The following C2orf78 variants were observed in gnomAD, a reference collection of about 807,000 sequenced individuals.
C2orf78 encodes uncharacterized protein C2orf78.
C2orf78 carries 12 observed loss-of-function variants against 21.4 expected under a neutral mutation model. That is an observed-to-expected ratio of 0.56 (90% CI 0.36 to 0.91). The LOEUF is 0.91. C2orf78 is among the 40% of genes least tolerant of loss of function. The pLI is 0.01. For synonymous variants in C2orf78, 396 were observed against 413.9 expected, an observed-to-expected ratio of 0.96 and a Z score of 0.52; for missense variants, 1,042 against 1,092.4, an observed-to-expected ratio of 0.95 and a Z score of 0.65.
exon 3 of C2orf78, chr2:73,816,558 G>T: frequency 6.2e-7 from 1 of 1,613,724 alleles, no homozygotes; most frequent in Non-Finnish European, 8.5e-7. Context: ...ATCTTTGACA[G>T]GTCCTGCCAC....
chr2:73,815,201 C>A, exon 3 of C2orf78: 4 of 1,614,014 alleles, frequency 2.5e-6, no homozygotes, highest in Non-Finnish European at 3.4e-6. Flanking sequence ...TTGAGAGTAA[C>A]CCATCACCTG....
At position 73,809,829 on chromosome 2, in the gene C2orf78, T is replaced by C. The variant is rs1673038751; in HGVS notation, c.98-3648T>C. ...AAAAGTAATATTCATGTTTTGGACATTCCTATCTAAACTAGGTGGAAAGAG... is the reference window on the plus strand; with the variant it reads ...AAAAGTAATATTCATGTTTTGGACACTCCTATCTAAACTAGGTGGAAAGAG... On this transcript the variant is annotated intron_variant, in intron 1 of 2. Coordinates refer to ENST00000409561, the Ensembl canonical transcript of C2orf78. Among the ~76,000 whole-genome samples, 8 of 152,180 alleles carry C rather than the reference T, an allele frequency of 5.3e-5. 1 individual carries two copies. The South Asian group carries it at 1.7e-3, about 32-fold the overall frequency.
At chr2:73,784,698 G>A (rs1322011534) in intron 1 of C2orf78, among the ~76,000 whole-genome samples, 2 of 151,222 alleles carry the variant, frequency 1.3e-5, no homozygotes, top group African/African-American at 4.9e-5. Flanking sequence ...TATACGTATA[G>A]AAAATGAAAT....
At chr2:73,814,355 CA>C in intron 2 of C2orf78, 129 bp downstream of exon 2, 1 of 1,032,258 alleles carries the variant, frequency 9.7e-7, no homozygotes, top group Non-Finnish European at 1.4e-6. Context: ...TATTCTTTGG[CA>C]GTGCTCTCCA....
At chr2:73,812,200 G>T (rs573963023) in intron 1 of C2orf78, among the ~76,000 whole-genome samples, 1 of 152,284 alleles carries the variant, frequency 6.6e-6, no homozygotes, top group African/African-American at 2.4e-5. Context: ...CACTAAGAAA[G>T]AGTAGATACT....
intron 1 of C2orf78, among the ~76,000 whole-genome samples, chr2:73,785,287 C>CACAA (rs939411254): frequency 4.9e-4 from 63 of 129,100 alleles, no homozygotes; most frequent in Admixed American, 6.8e-4. Flanking sequence ...GAGACCCTGT[C>CACAA]ACAAACAAAC....
chr2:73,813,972 G>A (rs761245644), exon 2 of C2orf78: 1 of 1,614,020 alleles, frequency 6.2e-7, no homozygotes, highest in East Asian at 2.2e-5. Flanking sequence ...AATCAGCAGG[G>A]CCATAACCTG....
exon 3 of C2orf78, chr2:73,815,293 A>C (rs1215188715): frequency 1.9e-6 from 3 of 1,613,834 alleles, no homozygotes; most frequent in East Asian, 2.2e-5. Flanking sequence ...CAGGAAAAAA[A>C]TGAGAATGAG....
At chr2:73,785,788 T>A (rs1011332136) in intron 1 of C2orf78, among the ~76,000 whole-genome samples, 40 of 152,054 alleles carry the variant, frequency 2.6e-4, no homozygotes, top group Admixed American at 9.8e-4. Context: ...GGCTTACACC[T>A]GTAATCCCAG....
In C2orf78 at chr2:73,817,119, T is replaced by C. The variant is rs528249050; in HGVS notation, c.*127T>C. On this transcript the variant is annotated 3_prime_UTR_variant, in exon 3 of 3. Coordinates refer to ENST00000409561, the Ensembl canonical transcript of C2orf78. ...AAATGTAATAGAATTGATTAATAGATAAGTAATAAAGAGGCCTTTTGAGTT... is the reference window on the plus strand; with the variant it reads ...AAATGTAATAGAATTGATTAATAGACAAGTAATAAAGAGGCCTTTTGAGTT... The C allele has an allele frequency of 4.9e-5, 57 of 1,167,748 alleles. No homozygotes were observed. The African/African-American group carries it at 8.2e-4, about 17-fold the overall frequency. 72.3% of individuals were successfully genotyped at this position (1,167,748 alleles called of 1,614,324 possible).
chr2:73,815,802 T>C, exon 3 of C2orf78: 1 of 1,613,770 alleles, frequency 6.2e-7, no homozygotes, highest in Non-Finnish European at 8.5e-7. Flanking sequence ...AGAGTGCCTA[T>C]TAGAGAGAGA....
chr2:73,808,284 A>C (rs1376120374), intron 1 of C2orf78, among the ~76,000 whole-genome samples: 1 of 151,138 alleles, frequency 6.6e-6, no homozygotes, highest in Admixed American at 6.6e-5. Flanking sequence ...AAAAAGCAGC[A>C]GTAAATTCAT....
At chr2:73,812,366 CTTACT>C (rs1217804012) in intron 1 of C2orf78, among the ~76,000 whole-genome samples, 4 of 152,142 alleles carry the variant, frequency 2.6e-5, no homozygotes, top group African/African-American at 9.7e-5. Flanking sequence ...TTTTTCAGAA[CTTACT>C]ATATCTTCCT....
At chr2:73,817,121 AGTAATAAAGAG>A in exon 3 of C2orf78, 1 of 1,081,342 alleles carries the variant, frequency 9.2e-7, no homozygotes, top group Non-Finnish European at 1.2e-6. Flanking sequence ...TTAATAGATA[AGTAATAAAGAG>A]GCCTTTTGAG....
At chr2:73,816,787 G>A (rs200514281) in exon 3 of C2orf78, 97 of 1,613,924 alleles carry the variant, frequency 6.0e-5, no homozygotes, top group Admixed American at 2.0e-4. Flanking sequence ...CTCCAACCCC[G>A]TCCATGGAGG....
chr2:73,815,682 G>A (rs770892539), exon 3 of C2orf78: 1 of 1,613,910 alleles, frequency 6.2e-7, no homozygotes, highest in Non-Finnish European at 8.5e-7. Context: ...TCAGGTGCAG[G>A]AAAAGTCATG....
chr2:73,784,522 G>C (rs1262103608), intron 1 of C2orf78, 116 bp downstream of exon 1: 6 of 592,670 alleles, frequency 1.0e-5, no homozygotes, highest in East Asian at 3.2e-5. Context: ...TATTGAAGTA[G>C]AAATCCAGAG....
At chr2:73,810,008 A>C (rs1447288680) in intron 1 of C2orf78, among the ~76,000 whole-genome samples, 2 of 152,154 alleles carry the variant, frequency 1.3e-5, no homozygotes. Flanking sequence ...AATATATTTT[A>C]AATTTGAAAA....
At chr2:73,814,991 A>G (rs1464294887) in intron 2 of C2orf78, 80 bp from the exon 3 acceptor site, 17 of 1,382,084 alleles carry the variant, frequency 1.2e-5, no homozygotes, top group Non-Finnish European at 1.6e-5. Flanking sequence ...CATGTTGGAA[A>G]GGTATCCGAT....
Sources: gnomAD v4.1 joint callset for allele counts (sites outside exome capture counted in the v4.1 genomes callset) on GRCh38, gnomAD v4.1.1 for gene constraint, MANE v1.5 for transcripts, NCBI Gene and HGNC (gene_info 2026-07-23, HGNC 2026-07-21) for gene names.